Variants in MCPH1 observed in about 807,000 individuals in gnomAD.
The protein encoded by MCPH1 is microcephalin.
A neutral mutation model predicts 84.5 loss-of-function variants in MCPH1; 104 were observed. The observed-to-expected ratio is 1.23, with a 90% CI of 1.05 to 1.45. MCPH1 has a LOEUF of 1.45. Among genes scored for constraint, MCPH1 ranks in the 40% most tolerant of loss-of-function variants. The pLI is 0.00. For synonymous variants in MCPH1, 514 were observed against 366.8 expected, an observed-to-expected ratio of 1.40 and a Z score of -4.58; for missense variants, 1,498 against 1,005.7, an observed-to-expected ratio of 1.49 and a Z score of -6.62.
At chr8:6,588,297 G>A (rs535343799) in intron 12 of MCPH1, among the ~76,000 whole-genome samples, 2 of 152,070 alleles carry the variant, frequency 1.3e-5, no homozygotes, top group East Asian at 1.9e-4. Flanking sequence ...CCTTGATAAA[G>A]CAAGTCACCG....
intron 12 of MCPH1, among the ~76,000 whole-genome samples, chr8:6,578,682 G>T (rs1434941753): frequency 6.6e-6 from 1 of 152,158 alleles, no homozygotes; most frequent in Non-Finnish European, 1.5e-5. Flanking sequence ...ATTTTGGATA[G>T]GTGTCAACAT....
In MCPH1 at chr8:6,645,452, T is replaced by A. The variant is rs1194779705; in HGVS notation, c.*2403T>A. 3.9e-5 allele frequency: 6 copies of A among 152,104 alleles called. No homozygotes were observed. Among genetic ancestry groups the A allele is most frequent in the Non-Finnish European group, 1.5e-5 (1 of 68,024 alleles). The allele number at this position is 152,104 out of a possible 1,614,324, so 9.4% of individuals were successfully genotyped here. On this transcript the variant is annotated 3_prime_UTR_variant, in exon 14 of 14. Transcript: ENST00000344683. The stretch of plus-strand genomic sequence containing the variant: ...ATTTTAAAAAAAATTTGTAAAGGCT[T>A]ATGGCTCTCACCACTGTTATTCAAC...
chr8:6,576,557 G>A (rs935286070), intron 12 of MCPH1, among the ~76,000 whole-genome samples: 2 of 149,158 alleles, frequency 1.3e-5, no homozygotes, highest in African/African-American at 5.0e-5. Flanking sequence ...CCCCCAGGCT[G>A]GAGTGCAATG....
At chr8:6,447,340 A>C in intron 8 of MCPH1, 1 of 985,368 alleles carries the variant, frequency 1.0e-6, no homozygotes, top group African/African-American at 1.7e-5. Flanking sequence ...GGAGGGGTGA[A>C]AACTTCTGTA....
chr8:6,461,798 G>A (rs896846119), intron 9 of MCPH1, among the ~76,000 whole-genome samples: 1 of 152,168 alleles, frequency 6.6e-6, no homozygotes, highest in Non-Finnish European at 1.5e-5. Context: ...TTTGTTACTT[G>A]TTGAATATTG....
chr8:6,460,963 C>A (rs144030561), intron 9 of MCPH1, among the ~76,000 whole-genome samples: 1 of 152,144 alleles, frequency 6.6e-6, no homozygotes, highest in Admixed American at 6.5e-5. Context: ...TTCCTGGAGA[C>A]GATGGGTGAA....
chr8:6,621,706 A>T lies in MCPH1; in HGVS notation c.2452+15A>T. 1.2e-6 allele frequency: 2 copies of T among 1,614,030 alleles called. No homozygotes were observed. The highest frequency in any genetic ancestry group is 1.7e-6 in the Non-Finnish European group (2 of 1,180,004). ...ATGGGTCTTAGGTAAGAATCCAGGC[A>T]CACAGACGCTGTGGTGTGGTCCAGA... On this transcript the variant is annotated intron_variant, in intron 13 of 13. Transcript: ENST00000344683.
chr8:6,569,526 G>A (rs1586666895), intron 12 of MCPH1, among the ~76,000 whole-genome samples: 1 of 152,184 alleles, frequency 6.6e-6, no homozygotes, highest in Non-Finnish European at 1.5e-5. Context: ...GCCCCTTCAA[G>A]TTACCGTAAA....
In MCPH1 at chr8:6,497,002, A is replaced by G. The variant is rs185157596; in HGVS notation, c.2137-2850A>G. On this transcript the variant is annotated intron_variant, in intron 11 of 13. Coordinates refer to ENST00000344683, the MANE Select transcript of MCPH1 (RefSeq NM_024596.5). ...CTTGTTCAGTGTTTTTGCTTATGAA[A>G]TACTTTGTGAATAAATTTTGTTCTT... 8.5e-3 allele frequency among the ~76,000 whole-genome samples: 1,288 copies of G among 152,326 alleles called. 9 individuals are homozygous for G. The highest frequency in any genetic ancestry group is 0.015 in the Non-Finnish European group (1,047 of 68,032).
At chr8:6,642,060 G>A (rs1318818117) in intron 13 of MCPH1, among the ~76,000 whole-genome samples, 1 of 152,074 alleles carries the variant, frequency 6.6e-6, no homozygotes, top group Non-Finnish European at 1.5e-5. Flanking sequence ...AATATTTGTA[G>A]ATTAAACCCA....
intron 12 of MCPH1, among the ~76,000 whole-genome samples, chr8:6,612,745 CCTG>C (rs1280667182): frequency 3.3e-5 from 5 of 152,246 alleles, no homozygotes; most frequent in African/African-American, 4.8e-5. Flanking sequence ...CTTTCCATGT[CCTG>C]CTCCTTCTCC....
intron 12 of MCPH1, among the ~76,000 whole-genome samples, chr8:6,583,147 G>C (rs1174102810): frequency 6.6e-6 from 1 of 151,966 alleles, no homozygotes. Context: ...AATATTAGAG[G>C]CCTGAGAATT....
intron 13 of MCPH1, chr8:6,626,523 G>A (rs1163997116): frequency 9.3e-6 from 9 of 968,680 alleles, no homozygotes; most frequent in Non-Finnish European, 7.3e-6. Flanking sequence ...GTGGGTGGTT[G>A]AACATGGATA....
At position 6,445,238 on chromosome 8, in the gene MCPH1, G is replaced by T; in HGVS notation, c.1516G>T (p.Ala506Ser). 1 of 1,614,234 alleles carries T rather than the reference G, an allele frequency of 6.2e-7. No individual in the cohort carries two copies. Among genetic ancestry groups the T allele is most frequent in the Non-Finnish European group, 8.5e-7 (1 of 1,180,042 alleles). Residue 506 changes from alanine (A) to serine (S), a missense_variant, in exon 8 of 14, where the codon GCC becomes TCC. Coordinates refer to ENST00000344683, the MANE Select transcript of MCPH1 (RefSeq NM_024596.5). The part of the protein sequence containing the change: ...SSCVTSAPEE[A>S]LRCCRQAGKE... ...TTGCGTGACTTCTGCCCCTGAAGAA[G>T]CCCTAAGGTGTTGTAGACAGGCTGG...
intron 12 of MCPH1, among the ~76,000 whole-genome samples, chr8:6,541,995 G>C (rs887967028): frequency 7.0e-6 from 1 of 143,640 alleles, no homozygotes; most frequent in Non-Finnish European, 1.5e-5. Flanking sequence ...GTGACAGAAT[G>C]AGACTCAATC....
intron 13 of MCPH1, chr8:6,642,571 C>G (rs1318281905): frequency 6.9e-6 from 2 of 289,896 alleles, no homozygotes; most frequent in African/African-American, 4.3e-5. Flanking sequence ...CCTCTCACCA[C>G]TGGTGTCATA....
intron 13 of MCPH1, chr8:6,622,276 G>A (rs73661442): frequency 0.023 from 3,766 of 166,586 alleles, 169 homozygotes; most frequent in African/African-American, 0.083. Context: ...ATTCTGGGGA[G>A]GAAGAGGTGG....
intron 12 of MCPH1, among the ~76,000 whole-genome samples, chr8:6,528,453 T>A (rs1818798487): frequency 6.6e-6 from 1 of 152,274 alleles, no homozygotes; most frequent in Admixed American, 6.5e-5. Flanking sequence ...AGATAATTTT[T>A]AGCCTGGGAT....
At chr8:6,417,984 T>C (rs1799565463) in intron 3 of MCPH1, among the ~76,000 whole-genome samples, 1 of 152,236 alleles carries the variant, frequency 6.6e-6, no homozygotes, top group African/African-American at 2.4e-5. Flanking sequence ...AAACGCACAC[T>C]GTCATTATGT....
Sources: allele counts gnomAD v4.1 joint callset (sites outside exome capture counted in the v4.1 genomes callset), GRCh38; gene constraint gnomAD v4.1.1; transcripts MANE v1.5; gene names NCBI Gene and HGNC (gene_info 2026-07-23, HGNC 2026-07-21).